The following BCL2 variants were observed in gnomAD, a reference collection of about 807,000 sequenced individuals.
The protein encoded by BCL2 is apoptosis regulator Bcl-2.
Under a neutral mutation model 14.2 loss-of-function variants are expected in BCL2, and 1 was observed. That is an observed-to-expected ratio of 0.07 (90% CI 0.02 to 0.33). The LOEUF is 0.33. BCL2 is among the 10% of genes least tolerant of loss of function. BCL2 has a pLI of 0.99. For missense variants in BCL2, 247 were observed against 305.9 expected (o/e 0.81, Z 1.44); for synonymous variants, 151 against 137.2 (o/e 1.10, Z -0.70).
chr18:63,296,829 A>G (rs1912810265), intron 2 of BCL2, among the ~76,000 whole-genome samples: 1 of 152,252 alleles, frequency 6.6e-6, no homozygotes, highest in Middle Eastern at 3.2e-3. Flanking sequence ...CTATCCTCCT[A>G]TATAGTAATA....
At chr18:63,164,323 C>T (rs191078149) in intron 2 of BCL2, among the ~76,000 whole-genome samples, 44 of 152,320 alleles carry the variant, frequency 2.9e-4, no homozygotes, top group Admixed American at 5.2e-4. Flanking sequence ...CTCAATACAA[C>T]TCAAATCACA....
Position 63,127,889 on chromosome 18 carries a change from G to C in BCL2, c.*736C>G, listed in dbSNP as rs903381935. 1 of 224,664 alleles carries C rather than the reference G, an allele frequency of 4.5e-6. No homozygotes were observed. The highest frequency in any genetic ancestry group is 8.9e-6 in the Non-Finnish European group (1 of 112,364). 13.9% of individuals were successfully genotyped at this position (224,664 alleles called of 1,614,324 possible). On this transcript the variant is annotated 3_prime_UTR_variant, in exon 3 of 3. Transcript: ENST00000333681. ...ATAAATTGCTAAAATGCTTTTCTCG[G>C]CACAATTGGTAGCTTAAAAAAATAC...
chr18:63,258,588 GTGGA>G (rs1243872163), intron 2 of BCL2, among the ~76,000 whole-genome samples: 1 of 152,208 alleles, frequency 6.6e-6, no homozygotes, highest in Non-Finnish European at 1.5e-5. Flanking sequence ...TTTCTTCATA[GTGGA>G]TGACAAACTC....
chr18:63,218,211 C>T (rs1344099895), intron 2 of BCL2, among the ~76,000 whole-genome samples: 7 of 151,896 alleles, frequency 4.6e-5, no homozygotes, highest in African/African-American at 1.4e-4. Flanking sequence ...AAGCTCATGT[C>T]TTTTCTGTCT....
intron 2 of BCL2, among the ~76,000 whole-genome samples, chr18:63,133,581 C>T (rs1396577486): frequency 6.6e-6 from 1 of 152,112 alleles, no homozygotes; most frequent in Non-Finnish European, 1.5e-5. Flanking sequence ...AGCCACCACC[C>T]CTGGTCCACT....
At chr18:63,282,066 T>C (rs181481792) in intron 2 of BCL2, among the ~76,000 whole-genome samples, 13 of 152,374 alleles carry the variant, frequency 8.5e-5, no homozygotes, top group African/African-American at 3.1e-4. Flanking sequence ...ATTTACTAAG[T>C]ATTCTATTTG....
At chr18:63,291,352 T>C (rs1912640347) in intron 2 of BCL2, among the ~76,000 whole-genome samples, 1 of 152,226 alleles carries the variant, frequency 6.6e-6, no homozygotes. Context: ...TTCACGGTTA[T>C]TTTTAAAAAC....
At chr18:63,233,075 C>T (rs1910729864) in intron 2 of BCL2, among the ~76,000 whole-genome samples, 2 of 152,146 alleles carry the variant, frequency 1.3e-5, no homozygotes, top group Non-Finnish European at 2.9e-5. Context: ...TCCCACTGTG[C>T]CCTCATACAG....
In BCL2 at chr18:63,243,966, G is replaced by A. The variant is rs535568764; in HGVS notation, c.585+74116C>T. ...CAAGATTTCTAGAAGTTTCGCGGCC[G>A]GGTGCAGTGGCTCACGCCTGTAATC... On this transcript the variant is annotated intron_variant, in intron 2 of 2. Transcript: ENST00000333681. 6.2e-3 allele frequency among the ~76,000 whole-genome samples: 948 copies of A among 152,212 alleles called. 6 individuals carry two copies. The highest frequency in any genetic ancestry group is 0.021 in the African/African-American group (891 of 41,530).
At chr18:63,143,946 T>C (rs1486428453) in intron 2 of BCL2, among the ~76,000 whole-genome samples, 2 of 152,130 alleles carry the variant, frequency 1.3e-5, no homozygotes, top group African/African-American at 4.8e-5. Context: ...ATCATGCTCA[T>C]CACCCAAATC....
At chr18:63,261,309 C>T (rs112058537) in intron 2 of BCL2, among the ~76,000 whole-genome samples, 300 of 152,298 alleles carry the variant, frequency 2.0e-3, no homozygotes, top group African/African-American at 6.6e-3. Flanking sequence ...ACTGCCCTTC[C>T]TCTCCTGGAG....
chr18:63,138,223 C>A (rs766841013), intron 2 of BCL2, among the ~76,000 whole-genome samples: 2 of 152,222 alleles, frequency 1.3e-5, no homozygotes, highest in Non-Finnish European at 2.9e-5. Context: ...GGAGTGGTGG[C>A]CGGCAGAGCA....
chr18:63,256,908 C>T (rs894988408), intron 2 of BCL2, among the ~76,000 whole-genome samples: 29 of 152,104 alleles, frequency 1.9e-4, no homozygotes, highest in African/African-American at 6.0e-4. Flanking sequence ...CTAGGACAAC[C>T]ATTCCATTCA....
rs1458287471 is a variant in BCL2 at position 63,125,676 on chromosome 18, G to GA, written c.*2948dup. ...CAACTGCAAAATAATTAGATATAATGAAAAAAAAGAAGAGGAGAAAAAAAT... is the reference window on the plus strand; with the variant it reads ...CAACTGCAAAATAATTAGATATAATGAAAAAAAAAGAAGAGGAGAAAAAAAT... On this transcript the variant is annotated 3_prime_UTR_variant, in exon 3 of 3. Transcript: ENST00000333681. The GA allele has an allele frequency of 1.1e-4, 24 of 209,728 alleles. No individual in the cohort carries two copies. Among genetic ancestry groups the GA allele is most frequent in the Middle Eastern group, 1.5e-3 (1 of 666 alleles). 13.0% of individuals were successfully genotyped at this position (209,728 alleles called of 1,614,324 possible).
intron 2 of BCL2, among the ~76,000 whole-genome samples, chr18:63,207,208 G>C (rs1428532014): frequency 6.6e-6 from 1 of 152,230 alleles, no homozygotes; most frequent in Non-Finnish European, 1.5e-5. Flanking sequence ...CAGGCGGCAG[G>C]AGGGAGCCCA....
chr18:63,228,253 A>G (rs1464824022), intron 2 of BCL2, among the ~76,000 whole-genome samples: 1 of 152,228 alleles, frequency 6.6e-6, no homozygotes. Context: ...CTCATCTCCA[A>G]ATATTATCAC....
At chr18:63,293,050 A>T (rs1455603533) in intron 2 of BCL2, among the ~76,000 whole-genome samples, 1 of 152,182 alleles carries the variant, frequency 6.6e-6, no homozygotes, top group Non-Finnish European at 1.5e-5. Context: ...TCTGAGCTTC[A>T]TGCAACGTGC....
intron 2 of BCL2, among the ~76,000 whole-genome samples, chr18:63,129,651 G>A (rs1039956768): frequency 1.3e-5 from 2 of 152,192 alleles, no homozygotes; most frequent in Admixed American, 6.5e-5. Context: ...GAGAATCGCA[G>A]GGAATAAGAG....
intron 2 of BCL2, among the ~76,000 whole-genome samples, chr18:63,257,165 T>C (rs1216280359): frequency 6.6e-6 from 1 of 152,014 alleles, no homozygotes; most frequent in Non-Finnish European, 1.5e-5. Context: ...AAAAAAGAAA[T>C]GAAAAGCATT....
Sources: gnomAD v4.1 joint callset for allele counts (sites outside exome capture counted in the v4.1 genomes callset) on GRCh38, gnomAD v4.1.1 for gene constraint, MANE v1.5 for transcripts, NCBI Gene and HGNC (gene_info 2026-07-23, HGNC 2026-07-21) for gene names.